The following GPR141 variants were observed in gnomAD, a reference collection of about 807,000 sequenced individuals.
GPR141 encodes the protein G protein-coupled receptor 141, also known as probable G protein-coupled receptor 141.
A neutral mutation model predicts 6.8 loss-of-function variants in GPR141; 6 were observed. The ratio of observed to expected loss-of-function variants is 0.88; its 90% CI spans 0.48 to 1.74. The LOEUF (loss-of-function observed/expected upper bound fraction) is 1.74, where lower values mean the gene tolerates loss of function less well. GPR141 is among the 40% of genes most tolerant of loss of function. The pLI, the probability that GPR141 is intolerant of heterozygous loss-of-function variation, is 0.01. For synonymous variants in GPR141, 140 were observed against 142.3 expected, an observed-to-expected ratio of 0.98 and a Z score of 0.11; for missense variants, 372 against 372.9, an observed-to-expected ratio of 1.00 and a Z score of 0.02.
At position 37,706,038 on chromosome 7, in the gene GPR141, T is replaced by C. The variant is rs79475265; in HGVS notation, c.-15+20455T>C. On this transcript the variant is annotated intron_variant, in intron 2 of 2. Transcript: ENST00000334425. ...GGAAACTACCACTAAAGAGGGCAGC[T>C]GCTTTGCTCCAATGAGGGTGGTTTA... Among the ~76,000 whole-genome samples, 509 of 152,318 alleles carry C rather than the reference T, an allele frequency of 3.3e-3. 15 individuals are homozygous for C. In the East Asian group the frequency reaches 0.057, roughly 17 times the overall value.
At chr7:37,697,905 A>G (rs972678972) in intron 2 of GPR141, among the ~76,000 whole-genome samples, 1 of 152,304 alleles carries the variant, frequency 6.6e-6, no homozygotes, top group Admixed American at 6.5e-5. Flanking sequence ...AATACCAAGG[A>G]CATAACTAAC....
intron 2 of GPR141, among the ~76,000 whole-genome samples, chr7:37,707,684 T>G (rs889131283): frequency 2.0e-5 from 3 of 152,180 alleles, no homozygotes; most frequent in African/African-American, 7.2e-5. Flanking sequence ...ATGGCCCAGC[T>G]AGTAAATAAT....
chr7:37,729,562 A>G (rs534249848), intron 2 of GPR141, among the ~76,000 whole-genome samples: 2 of 152,362 alleles, frequency 1.3e-5, no homozygotes, highest in East Asian at 3.9e-4. Flanking sequence ...TTCAAAGTTA[A>G]AAACAAGTCC....
intron 2 of GPR141, among the ~76,000 whole-genome samples, chr7:37,686,951 C>G (rs946750988): frequency 4.6e-5 from 7 of 152,134 alleles, no homozygotes; most frequent in African/African-American, 1.7e-4. Context: ...GCATTGCCAT[C>G]AGCATCTGAG....
At chr7:37,720,841 C>T (rs1811291867) in intron 2 of GPR141, among the ~76,000 whole-genome samples, 1 of 151,386 alleles carries the variant, frequency 6.6e-6, no homozygotes. Context: ...TTATTTTTCT[C>T]TTACATTGCA....
intron 2 of GPR141, among the ~76,000 whole-genome samples, chr7:37,713,181 A>G (rs1810889108): frequency 6.6e-6 from 1 of 152,258 alleles, no homozygotes; most frequent in Non-Finnish European, 1.5e-5. Context: ...TATGTCAGGA[A>G]ATGTTCATAT....
At chr7:37,716,592 T>A (rs1056629344) in intron 2 of GPR141, among the ~76,000 whole-genome samples, 3 of 152,180 alleles carry the variant, frequency 2.0e-5, no homozygotes, top group Admixed American at 6.5e-5. Flanking sequence ...TTTCACTGTT[T>A]TACTTGGGAT....
At chr7:37,721,019 G>A (rs1401357823) in intron 2 of GPR141, among the ~76,000 whole-genome samples, 1 of 152,200 alleles carries the variant, frequency 6.6e-6, no homozygotes, top group African/African-American at 2.4e-5. Flanking sequence ...AGGACCAATT[G>A]TCTAGGGGAA....
At chr7:37,707,129 A>G (rs186166440) in intron 2 of GPR141, among the ~76,000 whole-genome samples, 116 of 152,294 alleles carry the variant, frequency 7.6e-4, no homozygotes, top group Middle Eastern at 3.4e-3. Context: ...TCTCAGGGGC[A>G]GGGTAACCTC....
In GPR141 at chr7:37,741,270, C is replaced by T; in HGVS notation, c.877C>T (p.Gln293Ter). The change falls in exon 3 of 3, where the codon CAA (glutamine) becomes TAA (stop). Residue 293 changes from glutamine to a stop codon, truncating the protein, a stop_gained. Coordinates refer to ENST00000334425, the MANE Select transcript of GPR141 (RefSeq NM_001381946.1). LOFTEE classifies it high-confidence loss of function. ...CTTTGGGGGAAGCCATTGGTTTAAG[C>T]AAAAGATAATTGGCTTATGGAATTG... is the stretch of plus-strand genomic sequence containing the variant. ...FVFGGSHWFKQKIIGLWNCVL... is the reference protein window; with the variant it reads ...FVFGGSHWFK 6.2e-7 allele frequency: 1 copy of T among 1,603,064 alleles called. No homozygotes were observed. Among genetic ancestry groups the T allele is most frequent in the Non-Finnish European group, 8.5e-7 (1 of 1,172,894 alleles).
Position 37,743,796 on chromosome 7 carries a change from CT to C in GPR141, c.*2490del, listed in dbSNP as rs1812684048. On this transcript the variant is annotated 3_prime_UTR_variant, in exon 3 of 3. Transcript: ENST00000334425. ...TGCAATATTTCATAATATAAAATAT[CT>C]TTTTCATCAGTATTTATGGAATAAA... Among the ~76,000 whole-genome samples, 1 of 151,928 alleles carries C rather than the reference CT, an allele frequency of 6.6e-6. No homozygotes were observed. Among genetic ancestry groups the C allele is most frequent in the Admixed American group, 6.6e-5 (1 of 15,250 alleles).
intron 2 of GPR141, among the ~76,000 whole-genome samples, chr7:37,724,875 G>A (rs188292221): frequency 1.0e-3 from 156 of 152,280 alleles, no homozygotes; most frequent in African/African-American, 3.2e-3. Flanking sequence ...AGAAGCTGCC[G>A]TCTGTCCTGC....
chr7:37,737,563 C>T (rs1242128235), intron 2 of GPR141, among the ~76,000 whole-genome samples: 2 of 151,986 alleles, frequency 1.3e-5, no homozygotes, highest in African/African-American at 4.8e-5. Flanking sequence ...TGTCTTAAAA[C>T]ATTGTGAGAT....
intron 2 of GPR141, among the ~76,000 whole-genome samples, chr7:37,720,783 C>T (rs900585874): frequency 6.6e-6 from 1 of 151,822 alleles, no homozygotes; most frequent in East Asian, 1.9e-4. Flanking sequence ...GGTTCAGAAC[C>T]CTCTCTGGGA....
Position 37,726,613 on chromosome 7 carries a change from T to G in GPR141, c.-14-13767T>G, listed in dbSNP as rs192480606. 4.6e-5 allele frequency among the ~76,000 whole-genome samples: 7 copies of G among 152,360 alleles called. No individual in the cohort carries two copies. The East Asian group carries it at 1.3e-3, about 29-fold the overall frequency. On this transcript the variant is annotated intron_variant, in intron 2 of 2. Transcript: ENST00000334425. ...AATCTTTTCCACATTGGTTTTTCTC[T>G]TTTTGTATATCCATATTGTAATTTT... is the stretch of plus-strand genomic sequence containing the variant.
chr7:37,735,653 T>C (rs1020315570), intron 2 of GPR141, among the ~76,000 whole-genome samples: 1 of 151,960 alleles, frequency 6.6e-6, no homozygotes, highest in African/African-American at 2.4e-5. Flanking sequence ...TTAAGAAAAA[T>C]ATACAGAATT....
intron 2 of GPR141, among the ~76,000 whole-genome samples, chr7:37,707,757 G>T (rs764226057): frequency 1.4e-4 from 21 of 152,172 alleles, no homozygotes; most frequent in Non-Finnish European, 2.2e-4. Context: ...TTAGTTACTT[G>T]CCTGAACAAG....
chr7:37,708,272 C>T (rs1583541347), intron 2 of GPR141, among the ~76,000 whole-genome samples: 1 of 122,420 alleles, frequency 8.2e-6, no homozygotes, highest in East Asian at 2.6e-4. Context: ...CTAGTCTTGC[C>T]AGCATTTCTT....
chr7:37,721,479 G>T (rs1243752291), intron 2 of GPR141, among the ~76,000 whole-genome samples: 3 of 152,152 alleles, frequency 2.0e-5, no homozygotes, highest in Non-Finnish European at 4.4e-5. Flanking sequence ...GGACAGATTG[G>T]CCTGGTTAAT....
Sources: allele counts gnomAD v4.1 joint callset (sites outside exome capture counted in the v4.1 genomes callset), GRCh38; gene constraint gnomAD v4.1.1; transcripts MANE v1.5; gene names NCBI Gene and HGNC (gene_info 2026-07-23, HGNC 2026-07-21).